RNF216: variants seen among roughly 807,000 people sequenced by gnomAD.
RNF216 encodes ring finger protein 216, also known as E3 ubiquitin-protein ligase RNF216.
Under a neutral mutation model 110.8 loss-of-function variants are expected in RNF216, and 72 were observed. That is an observed-to-expected ratio of 0.65 (90% CI 0.54 to 0.79). RNF216 has a LOEUF of 0.79. Ranked by LOEUF, RNF216 falls within the 30% of genes least tolerant of loss-of-function variation. The probability of loss-of-function intolerance (pLI) is 0.00; values close to 1 mark genes in which losing one functional copy is unlikely to be tolerated. For missense variants in RNF216, 1,342 were observed against 1,141.2 expected (o/e 1.18, Z -2.54); for synonymous variants, 495 against 407.5 (o/e 1.21, Z -2.59).
In RNF216 at chr7:5,725,355, C is replaced by A; in HGVS notation, c.1473G>T (p.Gln491His). 1 of 1,612,204 alleles carries A rather than the reference C, an allele frequency of 6.2e-7. No individual in the cohort carries two copies. Among genetic ancestry groups the A allele is most frequent in the East Asian group, 2.2e-5 (1 of 44,880 alleles). The part of the protein sequence containing the change: ...GKRKKRKQMN[Q>H]YSYIDFKFEQ... Reference sequence around the variant, plus strand: ...CAAACTTGAAATCAATGTAAGAATACTGGTTCATTTGTTTTCTCTTCTTCC... The same window carrying A: ...CAAACTTGAAATCAATGTAAGAATAATGGTTCATTTGTTTTCTCTTCTTCC... Residue 491 changes from glutamine (Q) to histidine (H), a missense_variant, in exon 8 of 17, where the codon CAG becomes CAT. Transcript: ENST00000389902.
At chr7:5,709,699 G>C (rs1289223652) in intron 13 of RNF216, among the ~76,000 whole-genome samples, 1 of 152,138 alleles carries the variant, frequency 6.6e-6, no homozygotes, top group African/African-American at 2.4e-5. Context: ...AACATGCCAA[G>C]TTGATACTCA....
At chr7:5,720,635 G>A (rs573303548) in intron 9 of RNF216, among the ~76,000 whole-genome samples, 1 of 152,278 alleles carries the variant, frequency 6.6e-6, no homozygotes, top group South Asian at 2.1e-4. Context: ...ACCCCCAAGA[G>A]AGTCTTGGGA....
chr7:5,763,141 T>A (rs528436841), intron 1 of RNF216, among the ~76,000 whole-genome samples: 3 of 152,122 alleles, frequency 2.0e-5, no homozygotes, highest in African/African-American at 7.2e-5. Context: ...CCATGTCTAT[T>A]ATGGAAGGAG....
intron 8 of RNF216, 138 bp from the exon 9 acceptor site, chr7:5,721,310 C>T (rs1013824670): frequency 7.8e-6 from 6 of 766,338 alleles, no homozygotes; most frequent in African/African-American, 7.0e-5. Flanking sequence ...TCACATTCTA[C>T]CATTTGGGAA....
intron 1 of RNF216, among the ~76,000 whole-genome samples, chr7:5,778,935 G>A (rs1006352260): frequency 4.6e-5 from 7 of 152,120 alleles, no homozygotes; most frequent in African/African-American, 1.7e-4. Context: ...GTAGAGACGG[G>A]GTTTCACCAT....
At chr7:5,678,283 T>C (rs1019184057) in intron 13 of RNF216, among the ~76,000 whole-genome samples, 10 of 152,238 alleles carry the variant, frequency 6.6e-5, no homozygotes, top group African/African-American at 2.4e-4. Flanking sequence ...TACTGCCATC[T>C]ACAAGACTTT....
At position 5,681,099 on chromosome 7, in the gene RNF216, G is replaced by T. The variant is rs1327836112; in HGVS notation, c.2062-28589C>A. Among the ~76,000 whole-genome samples the T allele has an allele frequency of 6.6e-5, 10 of 152,234 alleles. No individual in the cohort carries two copies. The East Asian group carries it at 1.5e-3, about 24-fold the overall frequency. On this transcript the variant is annotated intron_variant, in intron 13 of 16. Transcript: ENST00000389902. The stretch of plus-strand genomic sequence containing the variant: ...TCCTGTGTTCTTACCTCAACAGCTT[G>T]TCCCTGGCTCTTTGAACGCCTAGCC...
intron 13 of RNF216, among the ~76,000 whole-genome samples, chr7:5,707,027 A>G (rs1792335719): frequency 6.6e-6 from 1 of 152,240 alleles, no homozygotes; most frequent in Non-Finnish European, 1.5e-5. Context: ...CATTAATCAG[A>G]GACTACCTTT....
At chr7:5,766,449 G>C (rs1796213379) in intron 1 of RNF216, among the ~76,000 whole-genome samples, 1 of 151,806 alleles carries the variant, frequency 6.6e-6, no homozygotes, top group Non-Finnish European at 1.5e-5. Context: ...ATTAGAATTA[G>C]ATGAAGTCAT....
intron 13 of RNF216, among the ~76,000 whole-genome samples, chr7:5,660,945 T>TTTGTTTTTTG (rs1238859307): frequency 1.5e-3 from 145 of 93,886 alleles, no homozygotes; most frequent in African/African-American, 8.0e-3. Flanking sequence ...AGCCTTAGGT[T>TTTGTTTTTTG]TTTTTTTTTT....
intron 8 of RNF216, among the ~76,000 whole-genome samples, chr7:5,722,366 CAT>C (rs1491316370): frequency 2.4e-5 from 1 of 41,168 alleles, no homozygotes; most frequent in African/African-American, 5.3e-5. Flanking sequence ...TGCTCATTCT[CAT>C]GTTTTTTTTT....
At chr7:5,739,510 A>T in intron 4 of RNF216, 158 bp from the exon 5 acceptor site, 1 of 738,026 alleles carries the variant, frequency 1.4e-6, no homozygotes, top group East Asian at 2.8e-5. Context: ...ACTAGTTCCC[A>T]GATTCATCTG....
At chr7:5,707,106 G>T (rs1188219659) in intron 13 of RNF216, among the ~76,000 whole-genome samples, 1 of 152,136 alleles carries the variant, frequency 6.6e-6, no homozygotes, top group Admixed American at 6.5e-5. Context: ...ATTTATTTCT[G>T]AGCACTGTAT....
chr7:5,627,890 C>G (rs147351931), intron 15 of RNF216, among the ~76,000 whole-genome samples: 68 of 152,334 alleles, frequency 4.5e-4, no homozygotes, highest in African/African-American at 1.5e-3. Context: ...ATGCAGGCCA[C>G]TGCCTGATTT....
chr7:5,741,024 T>G lies in RNF216; in HGVS notation c.993A>C (p.Gln331His). The change falls in exon 4 of 17, where the codon CAA (glutamine) becomes CAC (histidine). Residue 331 changes from glutamine to histidine, a missense_variant. By Grantham distance (24) the Gln-to-His change is conservative. Coordinates refer to ENST00000389902, the MANE Select transcript of RNF216 (RefSeq NM_207111.4). ...GCTCTTGATCTACCTCTGCAGCTTC[T>G]TGCCCCCAAATGTTTTCCAAATTGG... ...QEPNLENIWGQEAAEVDQELV... is the reference protein window; with the variant it reads ...QEPNLENIWGHEAAEVDQELV... 6.2e-7 allele frequency: 1 copy of G among 1,613,732 alleles called. No individual in the cohort carries two copies. The highest frequency in any genetic ancestry group is 8.5e-7 in the Non-Finnish European group (1 of 1,179,872).
chr7:5,722,510 C>A (rs1290717950), intron 8 of RNF216, among the ~76,000 whole-genome samples: 1 of 151,724 alleles, frequency 6.6e-6, no homozygotes, highest in African/African-American at 2.4e-5. Flanking sequence ...CCTGCCTCAG[C>A]CTCCCGAGTA....
chr7:5,759,406 G>C (rs1357386680), intron 2 of RNF216, among the ~76,000 whole-genome samples: 1 of 152,106 alleles, frequency 6.6e-6, no homozygotes, highest in African/African-American at 2.4e-5. Flanking sequence ...TGAAGATGAA[G>C]ACCTTTAGAA....
At position 5,641,148 on chromosome 7, in the gene RNF216, A is replaced by G. The variant is rs1323593154; in HGVS notation, c.2382+6T>C. On this transcript the variant is annotated splice_donor_region_variant and intron_variant, in intron 15 of 16. Coordinates refer to ENST00000389902, the MANE Select transcript of RNF216 (RefSeq NM_207111.4). ...TAAAGCAATAGGCAGCCATGTGTCT[A>G]CTTACAGTGGGATCGGTCCAGAGAG... 1.9e-6 allele frequency: 3 copies of G among 1,601,988 alleles called. No homozygotes were observed. In the South Asian group the frequency reaches 3.3e-5, roughly 18 times the overall value.
chr7:5,723,025 C>T (rs1793532626), intron 8 of RNF216, among the ~76,000 whole-genome samples: 1 of 152,150 alleles, frequency 6.6e-6, no homozygotes, highest in African/African-American at 2.4e-5. Flanking sequence ...AGACAGTAAG[C>T]TTTGAAGCCA....
Sources: gnomAD v4.1 joint callset for allele counts (sites outside exome capture counted in the v4.1 genomes callset) on GRCh38, gnomAD v4.1.1 for gene constraint, MANE v1.5 for transcripts, NCBI Gene and HGNC (gene_info 2026-07-23, HGNC 2026-07-21) for gene names.